NCOA7: variants seen among roughly 807,000 people sequenced by gnomAD.
The protein encoded by NCOA7 is nuclear receptor coactivator 7.
NCOA7 carries 45 observed loss-of-function variants against 104.3 expected under a neutral mutation model. The observed-to-expected ratio is 0.43, with a 90% CI of 0.34 to 0.55. The LOEUF (loss-of-function observed/expected upper bound fraction) is 0.55. NCOA7 is among the 20% of genes least tolerant of loss of function. The pLI, the probability that NCOA7 is intolerant of heterozygous loss-of-function variation, is 0.02. For synonymous variants in NCOA7, 398 were observed against 402.3 expected (o/e 0.99, Z 0.13); for missense variants, 1,041 against 1,119.7 (o/e 0.93, Z 1.00).
chr6:125,833,806 C>G (rs1278803784), intron 2 of NCOA7, among the ~76,000 whole-genome samples: 1 of 152,102 alleles, frequency 6.6e-6, no homozygotes, highest in African/African-American at 2.4e-5. Flanking sequence ...TAAGACATAT[C>G]CCTGACCTCC....
At chr6:125,796,457 C>A (rs76371424) in intron 1 of NCOA7, among the ~76,000 whole-genome samples, 10,221 of 150,774 alleles carry the variant, frequency 0.068, 404 homozygotes, top group Middle Eastern at 0.11. Context: ...TTCTGATATC[C>A]AATGGTATAG....
intron 2 of NCOA7, among the ~76,000 whole-genome samples, chr6:125,846,606 C>T (rs973577965): frequency 2.0e-5 from 3 of 152,158 alleles, no homozygotes; most frequent in African/African-American, 7.2e-5. Flanking sequence ...TCCATTGAAG[C>T]CCACTAAATT....
At chr6:125,925,331 G>C (rs1787930578) in intron 13 of NCOA7, among the ~76,000 whole-genome samples, 1 of 152,202 alleles carries the variant, frequency 6.6e-6, no homozygotes. Flanking sequence ...TTAAACTGTA[G>C]ACCATCTACT....
At chr6:125,830,996 G>A (rs751832538) in intron 2 of NCOA7, among the ~76,000 whole-genome samples, 165 of 151,988 alleles carry the variant, frequency 1.1e-3, no homozygotes, top group Non-Finnish European at 3.1e-4. Flanking sequence ...CCTAGATTGC[G>A]TCAGATATGC....
intron 13 of NCOA7, among the ~76,000 whole-genome samples, 188 bp from the exon 14 acceptor site, chr6:125,927,475 G>A (rs1388804150): frequency 2.6e-5 from 4 of 152,138 alleles, no homozygotes; most frequent in African/African-American, 9.7e-5. Context: ...TGGCTACTTG[G>A]GTTCCAGTTA....
intron 3 of NCOA7, among the ~76,000 whole-genome samples, chr6:125,870,976 C>T (rs2128635502): frequency 6.6e-6 from 1 of 152,224 alleles, no homozygotes; most frequent in East Asian, 1.9e-4. Context: ...GGGGTTTGGT[C>T]AGTTTTGTTA....
At chr6:125,786,720 C>T (rs1774486093), upstream of NCOA7, among the ~76,000 whole-genome samples, 1 of 151,994 alleles carries the variant, frequency 6.6e-6, no homozygotes, top group Non-Finnish European at 1.5e-5. Context: ...GGGATACAGG[C>T]ATGTGCCACC....
chr6:125,843,814 T>C (rs1352599025), intron 2 of NCOA7, among the ~76,000 whole-genome samples: 6 of 152,208 alleles, frequency 3.9e-5, no homozygotes, highest in Non-Finnish European at 8.8e-5. Context: ...CTCAGCATTC[T>C]GACTTCTAGA....
intron 3 of NCOA7, among the ~76,000 whole-genome samples, chr6:125,863,831 C>A (rs1782236192): frequency 7.3e-6 from 1 of 137,410 alleles, no homozygotes; most frequent in African/African-American, 3.1e-5. Context: ...GGTCTTTGGC[C>A]TCTTTTATAA....
chr6:125,843,216 G>A (rs1161154489), intron 2 of NCOA7, among the ~76,000 whole-genome samples: 1 of 152,174 alleles, frequency 6.6e-6, no homozygotes, highest in Non-Finnish European at 1.5e-5. Flanking sequence ...AGGTTTGACT[G>A]CAGAGAAAGC....
intron 8 of NCOA7, among the ~76,000 whole-genome samples, chr6:125,886,775 T>G (rs1784296945): frequency 6.6e-6 from 1 of 152,248 alleles, no homozygotes. Context: ...ACCAAAAGTT[T>G]AATGATAAAA....
intron 7 of NCOA7, 130 bp from the exon 8 acceptor site, chr6:125,885,029 G>A (rs958899089): frequency 2.7e-5 from 24 of 876,372 alleles, no homozygotes; most frequent in African/African-American, 2.7e-4. Flanking sequence ...CAAAGGGGAT[G>A]TAATTGTCAC....
rs756914599 is a variant in NCOA7 at position 125,889,944 on chromosome 6, G to T, written c.1890G>T (p.Gln630His). Residue 630 changes from glutamine to histidine, a missense_variant, in exon 9 of 16, where the codon CAG becomes CAT. Around this residue, in one of 2 missense-constraint regions of NCOA7, gnomAD observed 914 missense variants for 942.7 expected, o/e 0.97. Transcript: ENST00000392477. ...AAATGGATAATAAATCTGAAGTTCA[G>T]TTGTGGCTGTTAAAGAGAATTCAGG... is the stretch of plus-strand genomic sequence containing the variant. ...GAQMDNKSEV[Q>H]LWLLKRIQVP... The T allele has an allele frequency of 1.3e-6, 2 of 1,560,860 alleles. No homozygotes were observed. The highest frequency in any genetic ancestry group is 8.6e-7 in the Non-Finnish European group (1 of 1,157,658).
In NCOA7 at chr6:125,882,545, T is replaced by C; in HGVS notation, c.693T>C (p.Asp231=). 1 of 1,612,606 alleles carries C rather than the reference T, an allele frequency of 6.2e-7. No homozygotes were observed. The highest frequency in any genetic ancestry group is 1.1e-5 in the South Asian group (1 of 90,866). The change falls in exon 7 of 16, where the codon GAT becomes GAC. Residue 231 remains aspartate, a synonymous_variant. Coordinates refer to ENST00000392477, the MANE Select transcript of NCOA7 (RefSeq NM_181782.5). ...AAATGAATTGTCGATACTTCACCGA[T>C]GGAAAGGTATATAGCAATGTAATTT... ...FLKMNCRYFT[D]GKGVVGGVMI...
chr6:125,917,810 T>C (rs1787212468), intron 11 of NCOA7, among the ~76,000 whole-genome samples: 1 of 152,234 alleles, frequency 6.6e-6, no homozygotes, highest in Non-Finnish European at 1.5e-5. Context: ...TGTGAGTCTT[T>C]GATTAGTGTG....
intron 1 of NCOA7, among the ~76,000 whole-genome samples, chr6:125,800,334 G>C (rs1775772318): frequency 6.6e-6 from 1 of 152,200 alleles, no homozygotes. Flanking sequence ...TGAAGGTACA[G>C]AAAGAAATTG....
chr6:125,915,918 ATATTGT>A (rs1787031240), intron 11 of NCOA7, among the ~76,000 whole-genome samples: 1 of 152,334 alleles, frequency 6.6e-6, no homozygotes, highest in African/African-American at 2.4e-5. Context: ...GTGTCACAAA[ATATTGT>A]TATTAATTTT....
At chr6:125,799,035 A>C (rs958292222) in intron 1 of NCOA7, among the ~76,000 whole-genome samples, 1 of 152,134 alleles carries the variant, frequency 6.6e-6, no homozygotes, top group African/African-American at 2.4e-5. Context: ...AAGCAGACCA[A>C]GTAAAATGAC....
intron 1 of NCOA7, among the ~76,000 whole-genome samples, chr6:125,791,618 A>G (rs1583215800): frequency 1.3e-5 from 2 of 152,192 alleles, no homozygotes; most frequent in East Asian, 3.9e-4. Context: ...AGGTCCTTCT[A>G]GAAGTCAGAT....
Sources: gnomAD v4.1 joint callset for allele counts (sites outside exome capture counted in the v4.1 genomes callset) on GRCh38, gnomAD v4.1.1 for gene constraint, gnomAD v4.1.1 regional missense constraint, MANE v1.5 for transcripts, NCBI Gene and HGNC (gene_info 2026-07-23, HGNC 2026-07-21) for gene names.